JAKMIP1: variants seen among roughly 807,000 people sequenced by gnomAD.
JAKMIP1 encodes the protein janus kinase and microtubule interacting protein 1, also known as janus kinase and microtubule-interacting protein 1.
JAKMIP1 carries 33 observed loss-of-function variants against 113.0 expected under a neutral mutation model. The ratio of observed to expected loss-of-function variants is 0.29; its 90% CI spans 0.22 to 0.39. The LOEUF (loss-of-function observed/expected upper bound fraction) is 0.39, where lower values mean the gene tolerates loss of function less well. Ranked by LOEUF, JAKMIP1 falls within the 10% of genes least tolerant of loss-of-function variation. The probability of loss-of-function intolerance (pLI) is 1.00; values close to 1 mark genes in which losing one functional copy is unlikely to be tolerated. For missense variants in JAKMIP1, 813 were observed against 1,080.5 expected (o/e 0.75, Z 3.47); for synonymous variants, 480 against 459.9 (o/e 1.04, Z -0.56).
chr4:6,079,111 T>A, intron 7 of JAKMIP1, 113 bp from the exon 8 acceptor site: 5 of 1,096,242 alleles, frequency 4.6e-6, no homozygotes, highest in Non-Finnish European at 4.1e-6. Flanking sequence ...CATGGCTAGT[T>A]GAAGTTCTAA....
Position 6,200,513 on chromosome 4 carries a change from C to G in JAKMIP1, c.-408G>C, listed in dbSNP as rs1166615623. ...GGCCGCGGCACTGGTGGCCGCGATC[C>G]GGGCAGGCGGCCGGCGCGTGCCGCA... On this transcript the variant is annotated 5_prime_UTR_variant, in exon 1 of 21. Coordinates refer to ENST00000409021, the MANE Select transcript of JAKMIP1 (RefSeq NM_001099433.2). This position sits in a 1 kb window ranked among gnomAD's most constrained non-coding sequence, Gnocchi z 7.0. 1 of 150,820 alleles carries G rather than the reference C, an allele frequency of 6.6e-6. No homozygotes were observed. Among genetic ancestry groups the G allele is most frequent in the Non-Finnish European group, 1.5e-5 (1 of 67,584 alleles). The allele number at this position is 150,820 out of a possible 1,614,324, so 9.3% of individuals were successfully genotyped here.
chr4:6,069,671 T>G lies in JAKMIP1; in HGVS notation c.1303-4663A>C, dbSNP rs1718674299. On this transcript the variant is annotated intron_variant, in intron 8 of 20. Transcript: ENST00000409021. The surrounding 1 kb of genome is among the most constrained non-coding windows in gnomAD (Gnocchi z 4.5). ...GGGAGGCTGAGGTGGAAAGATTACTTGAGCCTGGGAGGTTGGGGCTGCAGT... is the reference window on the plus strand; with the variant it reads ...GGGAGGCTGAGGTGGAAAGATTACTGGAGCCTGGGAGGTTGGGGCTGCAGT... 6.6e-6 allele frequency among the ~76,000 whole-genome samples: 1 copy of G among 151,502 alleles called. No individual in the cohort carries two copies. The highest frequency in any genetic ancestry group is 1.5e-5 in the Non-Finnish European group (1 of 67,994).
At chr4:6,030,567 G>A (rs1712494871) in intron 19 of JAKMIP1, among the ~76,000 whole-genome samples, 1 of 152,174 alleles carries the variant, frequency 6.6e-6, no homozygotes, top group Non-Finnish European at 1.5e-5. Context: ...TGCTCACAGG[G>A]CTTCCGCCCC....
At chr4:6,170,642 C>T (rs1724461468) in intron 1 of JAKMIP1, among the ~76,000 whole-genome samples, 2 of 150,920 alleles carry the variant, frequency 1.3e-5, no homozygotes, top group Non-Finnish European at 3.0e-5. Context: ...ACCATCACCT[C>T]TACCATTACC....
At chr4:6,163,560 C>A (rs1439596771) in intron 1 of JAKMIP1, among the ~76,000 whole-genome samples, 1 of 152,322 alleles carries the variant, frequency 6.6e-6, no homozygotes, top group Non-Finnish European at 1.5e-5. Flanking sequence ...AATAACCCTA[C>A]AATAGCCTCT....
rs1257510636 is a variant in JAKMIP1 at position 6,178,865 on chromosome 4, GTCCC to G, written c.-148+21384_-148+21387del. 2.6e-5 allele frequency among the ~76,000 whole-genome samples: 4 copies of G among 152,048 alleles called. No individual in the cohort carries two copies. The highest frequency in any genetic ancestry group is 9.7e-5 in the African/African-American group (4 of 41,380). On this transcript the variant is annotated intron_variant, in intron 1 of 20. Coordinates refer to ENST00000409021, the MANE Select transcript of JAKMIP1 (RefSeq NM_001099433.2). The surrounding 1 kb of genome is among the most constrained non-coding windows in gnomAD (Gnocchi z 5.5). ...TCAGAGCACCTCGTACTTGATTAAG[GTCCC>G]TCCCTCTTCACATGGGATTGTTCAC...
At position 6,042,752 on chromosome 4, in the gene JAKMIP1, C is replaced by T. The variant is rs1298380042; in HGVS notation, c.2029-525G>A. Among the ~76,000 whole-genome samples, 2 of 152,100 alleles carry T rather than the reference C, an allele frequency of 1.3e-5. No individual in the cohort carries two copies. The highest frequency in any genetic ancestry group is 2.9e-5 in the Non-Finnish European group (2 of 68,026). ...GATGCCAAAGCCACTGCCCTCATCCCTCCAGCAACGTGAGTTGGAGCAGCC... is the reference window on the plus strand; with the variant it reads ...GATGCCAAAGCCACTGCCCTCATCCTTCCAGCAACGTGAGTTGGAGCAGCC... On this transcript the variant is annotated intron_variant, in intron 16 of 20. Transcript: ENST00000409021. This position sits in a 1 kb window ranked among gnomAD's most constrained non-coding sequence, Gnocchi z 5.2.
intron 19 of JAKMIP1, among the ~76,000 whole-genome samples, chr4:6,033,538 A>C (rs974384308): frequency 1.3e-5 from 2 of 152,204 alleles, no homozygotes; most frequent in Non-Finnish European, 2.9e-5. Context: ...CATTGACCGC[A>C]ACACTTCAAG....
chr4:6,188,838 T>C lies in JAKMIP1; in HGVS notation c.-148+11415A>G, dbSNP rs1307790138. On this transcript the variant is annotated intron_variant, in intron 1 of 20. Transcript: ENST00000409021. This position sits in a 1 kb window ranked among gnomAD's most constrained non-coding sequence, Gnocchi z 5.8. ...GGTTCATCCTGGGTGCCTATGGTAC[T>C]TCCTGGGAGAGATAGATCATGTCAG... is the stretch of plus-strand genomic sequence containing the variant. 6.6e-6 allele frequency among the ~76,000 whole-genome samples: 1 copy of C among 152,216 alleles called. No individual in the cohort carries two copies. The highest frequency in any genetic ancestry group is 1.5e-5 in the Non-Finnish European group (1 of 68,032).
chr4:6,161,496 C>T (rs1341382135), intron 1 of JAKMIP1, among the ~76,000 whole-genome samples: 4 of 151,942 alleles, frequency 2.6e-5, no homozygotes, highest in Non-Finnish European at 5.9e-5. Context: ...CCCAAAGACT[C>T]TGACCAAGAA....
At chr4:6,087,539 AGAGAT>A (rs1219578555) in intron 3 of JAKMIP1, among the ~76,000 whole-genome samples, 1 of 152,228 alleles carries the variant, frequency 6.6e-6, no homozygotes, top group Non-Finnish European at 1.5e-5. Flanking sequence ...AAAATAACAT[AGAGAT>A]GAGAGAAGAA....
chr4:6,073,850 C>G (rs1443586299), intron 8 of JAKMIP1, among the ~76,000 whole-genome samples: 4 of 152,200 alleles, frequency 2.6e-5, no homozygotes, highest in African/African-American at 9.7e-5. Context: ...AAGGTGTGTG[C>G]GTAAACTGTA....
In JAKMIP1 at chr4:6,199,031, C is replaced by T. The variant is rs1728150437; in HGVS notation, c.-148+1222G>A. 6.6e-6 allele frequency among the ~76,000 whole-genome samples: 1 copy of T among 152,260 alleles called. No individual in the cohort carries two copies. ...AGAGGCCATCAGATGGTAACAGCAT[C>T]CTGGGACAGCGCCACGTTCCAGGAA... is the stretch of plus-strand genomic sequence containing the variant. On this transcript the variant is annotated intron_variant, in intron 1 of 20. Coordinates refer to ENST00000409021, the MANE Select transcript of JAKMIP1 (RefSeq NM_001099433.2). The surrounding 1 kb of genome is among the most constrained non-coding windows in gnomAD (Gnocchi z 5.6).
chr4:6,084,331 A>G (rs1720984221), intron 5 of JAKMIP1, among the ~76,000 whole-genome samples: 1 of 152,116 alleles, frequency 6.6e-6, no homozygotes, highest in Non-Finnish European at 1.5e-5. Context: ...AAAAAAAAAA[A>G]AAAAGAATAA....
intron 2 of JAKMIP1, among the ~76,000 whole-genome samples, chr4:6,110,611 C>A (rs1714765627): frequency 6.9e-6 from 1 of 145,188 alleles, no homozygotes; most frequent in South Asian, 2.8e-4. Context: ...ATGTAAAGGT[C>A]ACCCTGATGG....
chr4:6,035,304 G>T (rs528152541), intron 19 of JAKMIP1, among the ~76,000 whole-genome samples: 1 of 151,994 alleles, frequency 6.6e-6, no homozygotes, highest in African/African-American at 2.4e-5. Context: ...CTACCCATAG[G>T]GTCCATGAGA....
rs1441732677 is a variant in JAKMIP1, at chr4:6,136,169, C to T, written c.-147-23172G>A. Among the ~76,000 whole-genome samples the T allele has an allele frequency of 1.3e-5, 2 of 152,122 alleles. No homozygotes were observed. The highest frequency in any genetic ancestry group is 4.2e-4 in the South Asian group (2 of 4,808). On this transcript the variant is annotated intron_variant, in intron 1 of 20. Coordinates refer to ENST00000409021, the MANE Select transcript of JAKMIP1 (RefSeq NM_001099433.2). This position sits in a 1 kb window ranked among gnomAD's most constrained non-coding sequence, Gnocchi z 5.9. Reference sequence around the variant, plus strand: ...GCTGAGGCAGGAGAATCACTTGAACCCAGGAAATGGAGGTTGCAGTGAGCC... The same window carrying T: ...GCTGAGGCAGGAGAATCACTTGAACTCAGGAAATGGAGGTTGCAGTGAGCC...
intron 8 of JAKMIP1, chr4:6,070,268 C>T (rs182078812): frequency 2.5e-6 from 1 of 395,026 alleles, no homozygotes; most frequent in Non-Finnish European, 4.5e-6. Flanking sequence ...GGAAAAAGCA[C>T]CAATTCTCTC....
chr4:6,101,903 T>TAA (rs34415235), intron 3 of JAKMIP1, among the ~76,000 whole-genome samples: 3 of 132,382 alleles, frequency 2.3e-5, no homozygotes, highest in African/African-American at 8.5e-5. Context: ...AAGACTCAGT[T>TAA]AAAAAAAAAA....
Sources: allele counts gnomAD v4.1 joint callset (sites outside exome capture counted in the v4.1 genomes callset), GRCh38; gene constraint gnomAD v4.1.1; non-coding constraint Gnocchi (gnomAD v3.1); transcripts MANE v1.5; gene names NCBI Gene and HGNC (gene_info 2026-07-23, HGNC 2026-07-21).